The following ATP13A3 variants were observed in gnomAD, a reference collection of about 807,000 sequenced individuals.
The protein encoded by ATP13A3 is ATPase 13A3, also known as polyamine-transporting ATPase 13A3.
ATP13A3 carries 59 observed loss-of-function variants against 158.1 expected under a neutral mutation model. That is an observed-to-expected ratio of 0.37 (90% CI 0.30 to 0.46). The LOEUF (loss-of-function observed/expected upper bound fraction) is 0.46, where lower values mean the gene tolerates loss of function less well. ATP13A3 is among the 20% of genes least tolerant of loss of function. The pLI, the probability that ATP13A3 is intolerant of heterozygous loss-of-function variation, is 1.00. For missense variants in ATP13A3, 1,166 were observed against 1,525.2 expected (o/e 0.76, Z 3.92); for synonymous variants, 491 against 504.3 (o/e 0.97, Z 0.35).
intron 2 of ATP13A3, among the ~76,000 whole-genome samples, chr3:194,483,426 C>CAAAAA (rs1228588078): frequency 5.0e-5 from 6 of 120,384 alleles, no homozygotes; most frequent in South Asian, 2.8e-4. Flanking sequence ...CCCACCTCTA[C>CAAAAA]AAAAAAAAAA....
chr3:194,459,849 C>A lies in ATP13A3; in HGVS notation c.348G>T (p.Glu116Asp). Reference protein sequence around the residue: ...LSNGHAVCLIENPTEENRHRI... With the variant: ...LSNGHAVCLIDNPTEENRHRI... ...TGTGCCTATTTTCTTCAGTGGGATT[C>A]TCAATTAAACAAACTGCATGGCCAT... Residue 116 changes from glutamate to aspartate, a missense_variant, in exon 5 of 34, where the codon GAG becomes GAT. Glu to Asp is a conservative substitution (Grantham distance 45). Around this residue, in one of 3 missense-constraint regions of ATP13A3, gnomAD observed 104 missense variants for 91.7 expected, o/e 1.13. Coordinates refer to ENST00000645319, the MANE Select transcript of ATP13A3 (RefSeq NM_001367549.1). The A allele has an allele frequency of 6.2e-7, 1 of 1,613,224 alleles. No homozygotes were observed. Among genetic ancestry groups the A allele is most frequent in the Non-Finnish European group, 8.5e-7 (1 of 1,179,570 alleles).
chr3:194,446,030 T>C (rs1280316452), intron 14 of ATP13A3, among the ~76,000 whole-genome samples: 1 of 150,182 alleles, frequency 6.7e-6, no homozygotes, highest in Admixed American at 6.6e-5. Context: ...GCCTATTGTG[T>C]TAAATAAGAA....
Position 194,422,534 on chromosome 3 carries a change from G to A in ATP13A3, c.3314-2567C>T, listed in dbSNP as rs540548285. Among the ~76,000 whole-genome samples the A allele has an allele frequency of 2.0e-5, 3 of 152,286 alleles. No homozygotes were observed. In the East Asian group the frequency reaches 5.8e-4, roughly 29 times the overall value. On this transcript the variant is annotated intron_variant, in intron 30 of 33. Transcript: ENST00000645319. ...TATTTTATCTATAAAATGGGGATAT[G>A]ATAAGGATTCTGTAGGAAATAAGAG...
chr3:194,429,865 A>C, intron 26 of ATP13A3, 91 bp from the exon 27 acceptor site: 1 of 1,190,984 alleles, frequency 8.4e-7, no homozygotes, highest in African/African-American at 1.5e-5. Flanking sequence ...ATGAACATCA[A>C]CATTCAACGG....
chr3:194,435,114 C>G (rs908425796), intron 20 of ATP13A3, among the ~76,000 whole-genome samples: 1 of 152,098 alleles, frequency 6.6e-6, no homozygotes, highest in Non-Finnish European at 1.5e-5. Context: ...TCTATGAAAT[C>G]TAAAATCTTT....
intron 10 of ATP13A3, 114 bp downstream of exon 10, chr3:194,453,592 C>CTCAA (rs769242671): frequency 2.4e-5 from 20 of 817,294 alleles, no homozygotes; most frequent in East Asian, 1.1e-4. Context: ...GAGACACTGA[C>CTCAA]TCAATCAATC....
rs751005733 is a variant in ATP13A3 at position 194,415,661 on chromosome 3, C to CTTTTT, written c.3403-1827_3403-1823dup. Among the ~76,000 whole-genome samples, 16 of 90,918 alleles carry CTTTTT rather than the reference C, an allele frequency of 1.8e-4. 1 individual carries two copies. Among genetic ancestry groups the CTTTTT allele is most frequent in the African/African-American group, 3.8e-4 (8 of 21,114 alleles). The allele number at this position is 90,918 out of a possible 152,430, so 59.6% of individuals were successfully genotyped here. ...GTGCAAGGATTTACAATACCACATT[C>CTTTTT]TTTTTTTTTTTTTTTTTTTTTTTTT... On this transcript the variant is annotated intron_variant, in intron 31 of 33. Transcript: ENST00000645319.
chr3:194,432,163 T>C (rs1350193509), intron 21 of ATP13A3: 4 of 366,484 alleles, frequency 1.1e-5, no homozygotes, highest in South Asian at 5.9e-5. Context: ...TTTCCAGTCA[T>C]GCACTATTTG....
chr3:194,453,832 A>G lies in ATP13A3; in HGVS notation c.766-54T>C, dbSNP rs1719000095. 3 of 1,387,356 alleles carry G rather than the reference A, an allele frequency of 2.2e-6. No homozygotes were observed. In the Middle Eastern group the frequency reaches 5.4e-4, roughly 249 times the overall value. 85.9% of individuals were successfully genotyped at this position (1,387,356 alleles called of 1,614,324 possible). A position where few individuals can be genotyped will look rare whatever the true frequency, so the allele number is the denominator to read the frequency against. ...AGCCAATATGAACCCACTCCTCAGG[A>G]AAAAAGCCAGAGTGCTAAAAAAATA... On this transcript the variant is annotated intron_variant, in intron 9 of 33. Transcript: ENST00000645319.
At chr3:194,431,305 T>G (rs1717202814) in intron 22 of ATP13A3, 79 bp from the exon 23 acceptor site, 2 of 1,429,678 alleles carry the variant, frequency 1.4e-6, no homozygotes, top group Admixed American at 4.5e-5. Flanking sequence ...ATATTTGTTC[T>G]AAAACTGAAT....
chr3:194,427,635 CAATAAATAAATAAATAAATAAATA>C (rs72338242), intron 28 of ATP13A3, among the ~76,000 whole-genome samples: 10 of 137,216 alleles, frequency 7.3e-5, no homozygotes, highest in African/African-American at 2.2e-4. Context: ...CCCATCTCTA[CAATAAATAAATAAATAAATAAATA>C]AATAAATAAA....
intron 15 of ATP13A3, among the ~76,000 whole-genome samples, chr3:194,443,302 T>C (rs1454700988): frequency 6.6e-6 from 1 of 152,138 alleles, no homozygotes; most frequent in Non-Finnish European, 1.5e-5. Context: ...TTAACATCCA[T>C]GAACTTTAAG....
chr3:194,477,639 A>C (rs951068848), intron 2 of ATP13A3, among the ~76,000 whole-genome samples: 6 of 152,202 alleles, frequency 3.9e-5, no homozygotes, highest in African/African-American at 1.4e-4. Flanking sequence ...ACAGCTTCTC[A>C]TAGCTGTTAA....
chr3:194,448,653 C>A lies in ATP13A3; in HGVS notation c.971-17G>T. 1 of 1,601,120 alleles carries A rather than the reference C, an allele frequency of 6.2e-7. No individual in the cohort carries two copies. The highest frequency in any genetic ancestry group is 8.5e-7 in the Non-Finnish European group (1 of 1,175,050). On this transcript the variant is annotated splice_polypyrimidine_tract_variant and intron_variant, in intron 11 of 33. Transcript: ENST00000645319. This position sits in a 1 kb window ranked among gnomAD's most constrained non-coding sequence, Gnocchi z 4.0. Reference sequence around the variant, plus strand: ...CACTTTCTCCTTTAAAAAACAACAACAACAACAAAAACAGTTTACAAATTA... The same window carrying A: ...CACTTTCTCCTTTAAAAAACAACAAAAACAACAAAAACAGTTTACAAATTA...
intron 4 of ATP13A3, 72 bp from the exon 5 acceptor site, chr3:194,460,043 C>A: frequency 8.1e-7 from 1 of 1,234,714 alleles, no homozygotes; most frequent in South Asian, 1.5e-5. Flanking sequence ...ATTTATTTTC[C>A]ATTCTTTACA....
chr3:194,425,877 ATAT>A (rs1716733592), intron 29 of ATP13A3, among the ~76,000 whole-genome samples: 1 of 152,180 alleles, frequency 6.6e-6, no homozygotes, highest in South Asian at 2.1e-4. Flanking sequence ...AACTGAGGAA[ATAT>A]TATTCACTCT....
At chr3:194,443,936 G>C (rs1410736069) in intron 15 of ATP13A3, among the ~76,000 whole-genome samples, 1 of 152,028 alleles carries the variant, frequency 6.6e-6, no homozygotes, top group Non-Finnish European at 1.5e-5. Context: ...ATACACAGAA[G>C]AATGCTAAAT....
Position 194,422,025 on chromosome 3 carries a change from T to C in ATP13A3, c.3314-2058A>G, listed in dbSNP as rs530779355. On this transcript the variant is annotated intron_variant, in intron 30 of 33. Transcript: ENST00000645319. Reference sequence around the variant, plus strand: ...ACAATGTTTGTTTCTCAAATTTTCATGTCTCTCCCAGAGCCACCTCTTGGA... The same window carrying C: ...ACAATGTTTGTTTCTCAAATTTTCACGTCTCTCCCAGAGCCACCTCTTGGA... Among the ~76,000 whole-genome samples, 26 of 151,752 alleles carry C rather than the reference T, an allele frequency of 1.7e-4. No individual in the cohort carries two copies. In the South Asian group the frequency reaches 5.4e-3, roughly 32 times the overall value.
intron 28 of ATP13A3, 21 bp downstream of exon 28, chr3:194,428,824 A>G (rs192296073): frequency 9.1e-6 from 14 of 1,538,182 alleles, no homozygotes; most frequent in East Asian, 6.8e-5. Context: ...TTAAAAATCA[A>G]TAACAAAGCA....
Sources: allele counts gnomAD v4.1 joint callset (sites outside exome capture counted in the v4.1 genomes callset), GRCh38; gene constraint gnomAD v4.1.1; regional missense constraint gnomAD v4.1.1; non-coding constraint Gnocchi (gnomAD v3.1); transcripts MANE v1.5; gene names NCBI Gene and HGNC (gene_info 2026-07-23, HGNC 2026-07-21).